ARHGAP15: variants seen among roughly 807,000 people sequenced by gnomAD.
ARHGAP15 encodes Rho GTPase activating protein 15, also known as rho GTPase-activating protein 15.
A neutral mutation model predicts 63.7 loss-of-function variants in ARHGAP15; 51 were observed. That is an observed-to-expected ratio of 0.80 (90% confidence interval 0.64 to 1.01). The LOEUF (loss-of-function observed/expected upper bound fraction) is 1.01. Ranked by LOEUF, ARHGAP15 falls within the 50% of genes least tolerant of loss-of-function variation. The probability of loss-of-function intolerance (pLI) is 0.00; values close to 1 mark genes in which losing one functional copy is unlikely to be tolerated. For synonymous variants in ARHGAP15, 191 were observed against 193.8 expected (o/e 0.99, Z 0.12); for missense variants, 560 against 564.6 (o/e 0.99, Z 0.08).
At chr2:143,573,290 C>T (rs1696535823) in intron 11 of ARHGAP15, among the ~76,000 whole-genome samples, 1 of 152,184 alleles carries the variant, frequency 6.6e-6, no homozygotes, top group Non-Finnish European at 1.5e-5. Context: ...TCAAGGACTT[C>T]TCTTGTTCTT....
At chr2:143,533,588 A>G (rs1293852496) in intron 10 of ARHGAP15, among the ~76,000 whole-genome samples, 2 of 152,174 alleles carry the variant, frequency 1.3e-5, no homozygotes, top group Non-Finnish European at 2.9e-5. Flanking sequence ...CTATTAGAGT[A>G]TGTTCAAGCA....
At chr2:143,377,747 A>G (rs1177949752) in intron 6 of ARHGAP15, among the ~76,000 whole-genome samples, 1 of 152,122 alleles carries the variant, frequency 6.6e-6, no homozygotes, top group Non-Finnish European at 1.5e-5. Flanking sequence ...ATATTATAGA[A>G]CATATGCCTT....
intron 9 of ARHGAP15, among the ~76,000 whole-genome samples, chr2:143,497,220 A>G (rs1692855423): frequency 2.0e-5 from 3 of 152,242 alleles, no homozygotes; most frequent in Admixed American, 2.0e-4. Context: ...TTCCACCCCC[A>G]ACATTGCACC....
chr2:143,233,930 C>A (rs1405156291), intron 5 of ARHGAP15, among the ~76,000 whole-genome samples: 1 of 152,136 alleles, frequency 6.6e-6, no homozygotes, highest in African/African-American at 2.4e-5. Flanking sequence ...CAGGTGTCAG[C>A]CACCGCACCA....
chr2:143,636,190 T>C (rs1474936836), intron 12 of ARHGAP15, among the ~76,000 whole-genome samples: 1 of 152,156 alleles, frequency 6.6e-6, no homozygotes, highest in Non-Finnish European at 1.5e-5. Flanking sequence ...GTCCCGCTAG[T>C]TGCAGGTGGT....
intron 8 of ARHGAP15, among the ~76,000 whole-genome samples, chr2:143,437,877 A>C (rs905598092): frequency 1.3e-5 from 2 of 152,068 alleles, no homozygotes; most frequent in South Asian, 2.1e-4. Context: ...TACAAAAATA[A>C]GCTGGGCATG....
chr2:143,479,163 A>G (rs1691959462), intron 8 of ARHGAP15, among the ~76,000 whole-genome samples: 1 of 152,230 alleles, frequency 6.6e-6, no homozygotes, highest in African/African-American at 2.4e-5. Context: ...ACTGCTAATG[A>G]TGGTTCAGAA....
intron 12 of ARHGAP15, among the ~76,000 whole-genome samples, chr2:143,667,869 T>G (rs1682306310): frequency 6.6e-6 from 1 of 151,980 alleles, no homozygotes; most frequent in Admixed American, 6.6e-5. Context: ...GTGCCTGTTG[T>G]GCCATCTACT....
At chr2:143,424,896 G>A (rs1689078911) in intron 6 of ARHGAP15, among the ~76,000 whole-genome samples, 1 of 152,082 alleles carries the variant, frequency 6.6e-6, no homozygotes, top group Non-Finnish European at 1.5e-5. Context: ...GTATTCACTA[G>A]GCACCTAAAT....
At chr2:143,515,141 A>C (rs1159181360) in intron 9 of ARHGAP15, among the ~76,000 whole-genome samples, 2 of 152,022 alleles carry the variant, frequency 1.3e-5, no homozygotes, top group African/African-American at 4.8e-5. Flanking sequence ...TAATCACATC[A>C]GTCGTTTAAC....
intron 1 of ARHGAP15, among the ~76,000 whole-genome samples, chr2:143,133,457 G>A (rs189816): frequency 0.51 from 78,146 of 152,010 alleles, 21,672 homozygotes; most frequent in Non-Finnish European, 0.62. Context: ...TCTGTCTAGG[G>A]TCAGGATGTA....
chr2:143,138,562 A>T (rs1689237745), intron 1 of ARHGAP15, among the ~76,000 whole-genome samples: 1 of 152,118 alleles, frequency 6.6e-6, no homozygotes, highest in African/African-American at 2.4e-5. Context: ...GTGTTGTAAA[A>T]CTTGTGAGGA....
chr2:143,520,405 A>T (rs1574569996), intron 10 of ARHGAP15, among the ~76,000 whole-genome samples: 1 of 152,172 alleles, frequency 6.6e-6, no homozygotes, highest in African/African-American at 2.4e-5. Context: ...GGATCCTATT[A>T]TTCCCCTATC....
Position 143,436,918 on chromosome 2 carries a change from G to A in ARHGAP15, c.579G>A (p.Lys193=), listed in dbSNP as rs1229479670. ...TAATTATTTGCTGTTTCCAGCCAAA[G>A]GATTCAAGTTGTCCATCAAGAAACC... is the stretch of plus-strand genomic sequence containing the variant. ...AIKNAIDRLP[K]DSSCPSRNLE... The change falls in exon 8 of 14, where the codon AAG becomes AAA. Residue 193 remains lysine, a synonymous_variant. Transcript: ENST00000295095. The A allele has an allele frequency of 3.1e-6, 5 of 1,608,142 alleles. No homozygotes were observed. Among genetic ancestry groups the A allele is most frequent in the Non-Finnish European group, 4.2e-6 (5 of 1,178,412 alleles).
intron 13 of ARHGAP15, among the ~76,000 whole-genome samples, chr2:143,752,915 T>C (rs987051199): frequency 2.0e-5 from 3 of 152,104 alleles, no homozygotes; most frequent in Non-Finnish European, 2.9e-5. Flanking sequence ...GGCAGGAAGA[T>C]CACCTGAGGC....
In ARHGAP15 at chr2:143,356,154, T is replaced by G. The variant is rs569852244; in HGVS notation, c.475-79447T>G. Among the ~76,000 whole-genome samples, 6 of 152,208 alleles carry G rather than the reference T, an allele frequency of 3.9e-5. No individual in the cohort carries two copies. The East Asian group carries it at 9.6e-4, about 24-fold the overall frequency. ...GAGATAGTGTTGCTCGGAAGGTAAT[T>G]TAATAACCTTTTGCATGTACCTGGG... On this transcript the variant is annotated intron_variant, in intron 6 of 13. Transcript: ENST00000295095.
chr2:143,337,810 C>T (rs540056167), intron 6 of ARHGAP15, among the ~76,000 whole-genome samples: 7 of 152,204 alleles, frequency 4.6e-5, no homozygotes, highest in African/African-American at 1.7e-4. Flanking sequence ...GGTAGAATGC[C>T]ATTGGCCTAT....
intron 8 of ARHGAP15, among the ~76,000 whole-genome samples, chr2:143,443,687 G>A (rs1690001728): frequency 6.6e-6 from 1 of 152,074 alleles, no homozygotes; most frequent in African/African-American, 2.4e-5. Flanking sequence ...CATTTATGTT[G>A]TTAAAGCTGC....
At chr2:143,484,719 A>T (rs1409585875) in intron 8 of ARHGAP15, among the ~76,000 whole-genome samples, 2 of 152,204 alleles carry the variant, frequency 1.3e-5, no homozygotes, top group African/African-American at 2.4e-5. Context: ...TGGTAGCCAC[A>T]TTTTAAAAAG....
Sources: allele counts gnomAD v4.1 joint callset (sites outside exome capture counted in the v4.1 genomes callset), GRCh38; gene constraint gnomAD v4.1.1; transcripts MANE v1.5; gene names NCBI Gene and HGNC (gene_info 2026-07-23, HGNC 2026-07-21).